The following RAP1GAP2 variants were observed in gnomAD, a reference collection of about 807,000 sequenced individuals.
The protein encoded by RAP1GAP2 is RAP1 GTPase activating protein 2.
In RAP1GAP2, 27 loss-of-function variants were observed where a neutral mutation model predicts 95.0. That is an observed-to-expected ratio of 0.28 (90% CI 0.21 to 0.39). The LOEUF (loss-of-function observed/expected upper bound fraction) is 0.39. RAP1GAP2 is among the 10% of genes least tolerant of loss of function. The probability of loss-of-function intolerance (pLI) is 1.00; values close to 1 mark genes in which losing one functional copy is unlikely to be tolerated. For missense variants in RAP1GAP2, 771 were observed against 970.0 expected, an observed-to-expected ratio of 0.79 and a Z score of 2.72; for synonymous variants, 373 against 380.9, an observed-to-expected ratio of 0.98 and a Z score of 0.24.
intron 13 of RAP1GAP2, among the ~76,000 whole-genome samples, chr17:2,995,940 C>T (rs1468401176): frequency 9.8e-5 from 11 of 111,848 alleles, no homozygotes; most frequent in Non-Finnish European, 3.7e-5. Context: ...AGTTAACCTT[C>T]TCATCTATAA....
At chr17:2,996,506 C>T (rs757729921) in intron 13 of RAP1GAP2, among the ~76,000 whole-genome samples, 1 of 152,148 alleles carries the variant, frequency 6.6e-6, no homozygotes, top group African/African-American at 2.4e-5. Flanking sequence ...AATTGGCAAA[C>T]GAGATGATGA....
intron 3 of RAP1GAP2, among the ~76,000 whole-genome samples, chr17:2,921,176 A>C (rs973115374): frequency 6.6e-6 from 1 of 151,850 alleles, no homozygotes; most frequent in Non-Finnish European, 1.5e-5. Flanking sequence ...GGGTTGAAAT[A>C]AAAGGATAAA....
intron 2 of RAP1GAP2, among the ~76,000 whole-genome samples, chr17:2,862,415 C>T (rs1311605242): frequency 6.6e-6 from 1 of 152,130 alleles, no homozygotes; most frequent in Non-Finnish European, 1.5e-5. Context: ...GAGGGCTTGT[C>T]AGGCCTGTTC....
intron 3 of RAP1GAP2, among the ~76,000 whole-genome samples, chr17:2,913,124 G>A (rs1454153565): frequency 6.6e-6 from 1 of 152,094 alleles, no homozygotes; most frequent in Non-Finnish European, 1.5e-5. Flanking sequence ...CTTGCAGTGA[G>A]TTATGATTGC....
In RAP1GAP2 at chr17:3,008,253, G is replaced by T. The variant is rs1279320573; in HGVS notation, c.1494+108G>T. On this transcript the variant is annotated intron_variant, in intron 17 of 24. Transcript: ENST00000254695. This position sits in a 1 kb window ranked among gnomAD's most constrained non-coding sequence, Gnocchi z 4.2. ...GATCCCAGAGCCCAAGGGCCAGCTGGAGGGGTGACAGGAAACGTATGGGTA... is the reference window on the plus strand; with the variant it reads ...GATCCCAGAGCCCAAGGGCCAGCTGTAGGGGTGACAGGAAACGTATGGGTA... 3.3e-6 allele frequency: 5 copies of T among 1,503,040 alleles called. No individual in the cohort carries two copies. In the African/African-American group the frequency reaches 6.9e-5, roughly 21 times the overall value. 93.1% of individuals were successfully genotyped at this position (1,503,040 alleles called of 1,614,324 possible). A position where few individuals can be genotyped will look rare whatever the true frequency, so the allele number is the denominator to read the frequency against.
chr17:2,759,219 G>T (rs543601387), intron 1 of RAP1GAP2, among the ~76,000 whole-genome samples: 5 of 152,118 alleles, frequency 3.3e-5, no homozygotes, highest in Admixed American at 3.3e-4. Context: ...AAGCATTGTG[G>T]CAAAGAACAT....
rs1263817427 is a variant in RAP1GAP2, at chr17:2,898,065, C to T, written c.81-7219C>T. ...CCTCCTGAATAGCTAGGACTACAGG[C>T]ATGCACCTGGCTCATTTTTAAATTT... On this transcript the variant is annotated intron_variant, in intron 2 of 24. Transcript: ENST00000254695. 2.0e-5 allele frequency among the ~76,000 whole-genome samples: 3 copies of T among 151,966 alleles called. No individual in the cohort carries two copies. The East Asian group carries it at 5.8e-4, about 29-fold the overall frequency.
chr17:2,793,477 A>G (rs2068983598), upstream of RAP1GAP2, among the ~76,000 whole-genome samples: 1 of 152,180 alleles, frequency 6.6e-6, no homozygotes. Context: ...CTTGCAACGT[A>G]TGCAACACCT....
intron 5 of RAP1GAP2, chr17:2,962,929 A>C: frequency 1.8e-6 from 1 of 567,928 alleles, no homozygotes; most frequent in Non-Finnish European, 3.0e-6. Context: ...GCTTCAGAGC[A>C]GGCTGGGGGT....
chr17:2,996,717 C>T (rs1032109210), intron 13 of RAP1GAP2, among the ~76,000 whole-genome samples: 2 of 152,206 alleles, frequency 1.3e-5, no homozygotes, highest in Non-Finnish European at 2.9e-5. Context: ...TTGGGAAATA[C>T]ACCTTGGCAC....
intron 3 of RAP1GAP2, among the ~76,000 whole-genome samples, chr17:2,927,329 A>ATTT (rs1012803155): frequency 6.6e-6 from 1 of 150,416 alleles, no homozygotes; most frequent in Non-Finnish European, 1.5e-5. Flanking sequence ...AATTTTTTGT[A>ATTT]TTTTTAGTAG....
intron 1 of RAP1GAP2, among the ~76,000 whole-genome samples, chr17:2,786,413 A>G (rs1359446253): frequency 6.6e-6 from 1 of 152,208 alleles, no homozygotes; most frequent in African/African-American, 2.4e-5. Context: ...AAGCCCAGGA[A>G]GACGCTCCCT....
chr17:3,017,916 C>CGTGTGTGTGTGTGTGTGT (rs56791699), intron 17 of RAP1GAP2, 145 bp from the exon 18 acceptor site: 2 of 562,130 alleles, frequency 3.6e-6, no homozygotes, highest in Non-Finnish European at 5.9e-6. Context: ...CCTCTGTGAC[C>CGTGTGTGTGTGTGTGTGT]GTGTGTGTGT....
chr17:3,034,125 C>T lies in RAP1GAP2; in HGVS notation c.*764C>T, dbSNP rs776977828. 1.9e-4 allele frequency: 30 copies of T among 154,920 alleles called. No individual in the cohort carries two copies. The highest frequency in any genetic ancestry group is 3.0e-3 in the Middle Eastern group (1 of 328). The allele number at this position is 154,920 out of a possible 1,614,324, so 9.6% of individuals were successfully genotyped here. Reference sequence around the variant, plus strand: ...TGAGGCGGGGACTTTGGGTCCCACCCGGTTTCTCCTGATTATGGCTGCTGT... The same window carrying T: ...TGAGGCGGGGACTTTGGGTCCCACCTGGTTTCTCCTGATTATGGCTGCTGT... On this transcript the variant is annotated 3_prime_UTR_variant, in exon 25 of 25. Transcript: ENST00000254695. This position sits in a 1 kb window ranked among gnomAD's most constrained non-coding sequence, Gnocchi z 5.1.
At chr17:2,763,204 A>G (rs899812904) in intron 1 of RAP1GAP2, among the ~76,000 whole-genome samples, 1 of 152,192 alleles carries the variant, frequency 6.6e-6, no homozygotes, top group African/African-American at 2.4e-5. Context: ...TCTGTGTCAG[A>G]GCATTCCGAG....
intron 1 of RAP1GAP2, among the ~76,000 whole-genome samples, chr17:2,755,972 G>T (rs2071133133): frequency 6.6e-6 from 1 of 152,274 alleles, no homozygotes; most frequent in African/African-American, 2.4e-5. Flanking sequence ...GGTCTCTGCG[G>T]CTCTCCAAAG....
chr17:2,922,018 T>C (rs1328604916), intron 3 of RAP1GAP2, among the ~76,000 whole-genome samples: 1 of 152,252 alleles, frequency 6.6e-6, no homozygotes, highest in Non-Finnish European at 1.5e-5. Context: ...AAATTATATC[T>C]GTTATCTCAG....
At chr17:3,007,387 T>C (rs1415395110) in intron 16 of RAP1GAP2, among the ~76,000 whole-genome samples, 4 of 152,096 alleles carry the variant, frequency 2.6e-5, no homozygotes, top group Non-Finnish European at 4.4e-5. Flanking sequence ...TTAGAAGCTA[T>C]TTACAGGAAT....
chr17:2,881,260 C>CAA (rs144994676), intron 2 of RAP1GAP2, among the ~76,000 whole-genome samples: 48 of 120,096 alleles, frequency 4.0e-4, no homozygotes, highest in East Asian at 1.6e-3. Flanking sequence ...GACTCTGCCT[C>CAA]AAAAAAAAAA....
Sources: allele counts gnomAD v4.1 joint callset (sites outside exome capture counted in the v4.1 genomes callset), GRCh38; gene constraint gnomAD v4.1.1; non-coding constraint Gnocchi (gnomAD v3.1); transcripts MANE v1.5; gene names NCBI Gene and HGNC (gene_info 2026-07-23, HGNC 2026-07-21).